Variants in MYCBP2 observed in about 807,000 individuals in gnomAD.
The protein encoded by MYCBP2 is MYC binding protein 2, also known as E3 ubiquitin-protein ligase MYCBP2.
In MYCBP2, 120 loss-of-function variants were observed where a neutral mutation model predicts 525.3. The observed-to-expected ratio is 0.23, with a 90% confidence interval of 0.20 to 0.27. The LOEUF (loss-of-function observed/expected upper bound fraction) is 0.27. Ranked by LOEUF, MYCBP2 falls within the 10% of genes least tolerant of loss-of-function variation. The pLI is 1.00. For missense variants in MYCBP2, 4,149 were observed against 5,657.1 expected (o/e 0.73, Z 8.55); for synonymous variants, 1,894 against 1,955.8 (o/e 0.97, Z 0.83).
Position 77,185,484 on chromosome 13 carries a change from T to C in MYCBP2, c.4445-107A>G, listed in dbSNP as rs1293380904. 6 of 1,161,848 alleles carry C rather than the reference T, an allele frequency of 5.2e-6. No homozygotes were observed. The African/African-American group carries it at 9.2e-5, about 18-fold the overall frequency. 72.0% of individuals were successfully genotyped at this position (1,161,848 alleles called of 1,614,324 possible). On this transcript the variant is annotated intron_variant, in intron 31 of 82. Transcript: ENST00000544440. Reference sequence around the variant, plus strand: ...CTATACAGCTAAGTATCACAAGTACTAATATCTTAGAAATGAAACAACTTA... The same window carrying C: ...CTATACAGCTAAGTATCACAAGTACCAATATCTTAGAAATGAAACAACTTA...
chr13:77,091,681 C>T (rs2045447287), intron 59 of MYCBP2, among the ~76,000 whole-genome samples: 1 of 152,092 alleles, frequency 6.6e-6, no homozygotes, highest in Admixed American at 6.6e-5. Flanking sequence ...AAATATCACC[C>T]TCAATTGAGA....
At chr13:77,216,431 T>C (rs545766434) in intron 21 of MYCBP2, among the ~76,000 whole-genome samples, 1 of 152,256 alleles carries the variant, frequency 6.6e-6, no homozygotes, top group South Asian at 2.1e-4. Flanking sequence ...GCAGGCATCT[T>C]AAAAGTGTCA....
chr13:77,277,640 T>C (rs1323083574), intron 4 of MYCBP2, among the ~76,000 whole-genome samples: 29 of 152,202 alleles, frequency 1.9e-4, no homozygotes, highest in Admixed American at 1.8e-3. Context: ...AAACCAGCAG[T>C]GTACTCCTCA....
Position 77,058,963 on chromosome 13 carries a change from C to T in MYCBP2, c.13141-557G>A, listed in dbSNP as rs1026515414. On this transcript the variant is annotated intron_variant, in intron 77 of 82. Coordinates refer to ENST00000544440, the MANE Select transcript of MYCBP2 (RefSeq NM_015057.5). This position sits in a 1 kb window ranked among gnomAD's most constrained non-coding sequence, Gnocchi z 4.1. ...TCGTGCCACTGTACTCCAGCCTGGG[C>T]GACACAGCCAGACTCCGTCTCAAAA... Among the ~76,000 whole-genome samples, 7 of 151,956 alleles carry T rather than the reference C, an allele frequency of 4.6e-5. No individual in the cohort carries two copies. Among genetic ancestry groups the T allele is most frequent in the East Asian group, 1.9e-4 (1 of 5,194 alleles).
chr13:77,093,833 A>G (rs2045817580), intron 58 of MYCBP2, among the ~76,000 whole-genome samples: 1 of 152,174 alleles, frequency 6.6e-6, no homozygotes, highest in African/African-American at 2.4e-5. Context: ...ATCATATTTG[A>G]AAAATATTAG....
chr13:77,284,503 A>AGG (rs2154355571), intron 3 of MYCBP2, among the ~76,000 whole-genome samples: 1 of 152,322 alleles, frequency 6.6e-6, no homozygotes, highest in Admixed American at 6.5e-5. Flanking sequence ...CTGCCAAAAA[A>AGG]TATCACCTGA....
At chr13:77,075,132 C>T (rs1362557714) in intron 68 of MYCBP2, among the ~76,000 whole-genome samples, 2 of 152,074 alleles carry the variant, frequency 1.3e-5, no homozygotes, top group Admixed American at 6.6e-5. Flanking sequence ...CCATTGAGCC[C>T]GGGAGGTTGA....
chr13:77,050,458 CCAGT>C (rs1197284592), intron 82 of MYCBP2, among the ~76,000 whole-genome samples: 15 of 152,268 alleles, frequency 9.9e-5, no homozygotes, highest in South Asian at 6.2e-4. Flanking sequence ...CTGTCCTCTT[CCAGT>C]ATTTTCAGCT....
chr13:77,194,662 CTAGTTTCCT>C (rs2061587833), intron 26 of MYCBP2, among the ~76,000 whole-genome samples: 1 of 151,942 alleles, frequency 6.6e-6, no homozygotes, highest in African/African-American at 2.4e-5. Flanking sequence ...ATCCTGGGAC[CTAGTTTCCT>C]CATCCATAAA....
intron 15 of MYCBP2, among the ~76,000 whole-genome samples, chr13:77,248,302 GACA>G (rs781486515): frequency 1.3e-5 from 2 of 151,902 alleles, no homozygotes; most frequent in East Asian, 1.9e-4. Context: ...TGCTTGAAAA[GACA>G]ACATCAACAG....
chr13:77,135,749 T>C (rs956580422), intron 52 of MYCBP2, among the ~76,000 whole-genome samples: 1 of 152,236 alleles, frequency 6.6e-6, no homozygotes, highest in Non-Finnish European at 1.5e-5. Context: ...TGTTTCTTCC[T>C]GATCCAAACT....
At chr13:77,198,424 T>TA (rs2062002085) in intron 26 of MYCBP2, among the ~76,000 whole-genome samples, 1 of 152,214 alleles carries the variant, frequency 6.6e-6, no homozygotes, top group Non-Finnish European at 1.5e-5. Flanking sequence ...AGAAGAGTGT[T>TA]AACATATTGA....
rs775847643 is a variant in MYCBP2, at chr13:77,206,833, GA to G, written c.3417-9del. ...CTAGTATTTGGTCGAAACCTTTAAA[GA>G]AAAAGAATAATTACAGCACCTCAAT... On this transcript the variant is annotated splice_polypyrimidine_tract_variant and intron_variant, in intron 23 of 82. Coordinates refer to ENST00000544440, the MANE Select transcript of MYCBP2 (RefSeq NM_015057.5). 1.3e-6 allele frequency: 2 copies of G among 1,572,190 alleles called. No individual in the cohort carries two copies. The highest frequency in any genetic ancestry group is 1.7e-6 in the Non-Finnish European group (2 of 1,160,056).
intron 50 of MYCBP2, among the ~76,000 whole-genome samples, chr13:77,140,468 ATTC>A: frequency 6.6e-6 from 1 of 152,350 alleles, no homozygotes; most frequent in East Asian, 1.9e-4. Context: ...AGAAAAATAA[ATTC>A]AATTACCAAT....
intron 73 of MYCBP2, among the ~76,000 whole-genome samples, chr13:77,063,882 A>G (rs1260241895): frequency 6.6e-6 from 1 of 152,244 alleles, no homozygotes; most frequent in African/African-American, 2.4e-5. Flanking sequence ...TGTCACAGTC[A>G]ATAATAGCAA....
Position 77,278,928 on chromosome 13 carries a change from A to T in MYCBP2, c.595-17T>A. Reference sequence around the variant, plus strand: ...CTCAATAATCTATTTAAAAGGAAAAAATATATATACTTTATGACATGTAAG... The same window carrying T: ...CTCAATAATCTATTTAAAAGGAAAATATATATATACTTTATGACATGTAAG... On this transcript the variant is annotated splice_polypyrimidine_tract_variant and intron_variant, in intron 3 of 82. Transcript: ENST00000544440. The T allele has an allele frequency of 1.3e-6, 2 of 1,537,630 alleles. No homozygotes were observed. Among genetic ancestry groups the T allele is most frequent in the African/African-American group, 1.4e-5 (1 of 71,480 alleles).
chr13:77,300,934 G>A (rs1203121748), intron 1 of MYCBP2, among the ~76,000 whole-genome samples: 3 of 152,172 alleles, frequency 2.0e-5, no homozygotes, highest in African/African-American at 7.2e-5. Flanking sequence ...GCTTGGGCAT[G>A]AGTAAGGACT....
At chr13:77,159,043 G>T (rs1251642668) in intron 44 of MYCBP2, among the ~76,000 whole-genome samples, 2 of 152,030 alleles carry the variant, frequency 1.3e-5, no homozygotes, top group African/African-American at 2.4e-5. Flanking sequence ...ATTCCAGTAA[G>T]ATTTTTTCAT....
rs749168460 is a variant in MYCBP2 at position 77,189,035 on chromosome 13, A to G, written c.4167T>C (p.Ser1389=). ...IPQLLYRLPT[S]DGSASKGKQQ... ...GTTTGCCTTTTGAAGCACTGCCATC[A>G]CTGGTTGGAAGTCTAAAGGCAGTAG... is the stretch of plus-strand genomic sequence containing the variant. The change falls in exon 30 of 83, where the codon AGT becomes AGC. Residue 1389 remains serine (S), a synonymous_variant. Transcript: ENST00000544440. 5.6e-6 allele frequency: 9 copies of G among 1,609,586 alleles called. No homozygotes were observed. The highest frequency in any genetic ancestry group is 7.6e-6 in the Non-Finnish European group (9 of 1,178,022).
Sources: allele counts gnomAD v4.1 joint callset (sites outside exome capture counted in the v4.1 genomes callset), GRCh38; gene constraint gnomAD v4.1.1; non-coding constraint Gnocchi (gnomAD v3.1); transcripts MANE v1.5; gene names NCBI Gene and HGNC (gene_info 2026-07-23, HGNC 2026-07-21).